Variants in WWC2 observed in about 807,000 individuals in gnomAD.
WWC2 encodes protein WWC2.
In WWC2, 101 loss-of-function variants were observed where a neutral mutation model predicts 138.5. The ratio of observed to expected loss-of-function variants is 0.73; its 90% CI spans 0.62 to 0.86. The LOEUF is 0.86. Among genes scored for constraint, WWC2 ranks in the 40% least tolerant of loss-of-function variants. The pLI, the probability that WWC2 is intolerant of heterozygous loss-of-function variation, is 0.00. For missense variants in WWC2, 1,420 were observed against 1,419.4 expected, an observed-to-expected ratio of 1.00 and a Z score of -0.01; for synonymous variants, 558 against 538.4, an observed-to-expected ratio of 1.04 and a Z score of -0.50.
intron 2 of WWC2, among the ~76,000 whole-genome samples, chr4:183,194,763 G>C (rs1222228450): frequency 1.3e-5 from 2 of 152,178 alleles, no homozygotes; most frequent in East Asian, 1.9e-4. Context: ...AGGAGCGTAA[G>C]CACTCTGAAG....
intron 1 of WWC2, among the ~76,000 whole-genome samples, chr4:183,155,075 A>C (rs1469803538): frequency 6.6e-6 from 1 of 152,100 alleles, no homozygotes; most frequent in Admixed American, 6.6e-5. Flanking sequence ...TTGTGGGCAC[A>C]AGTTAGATAA....
At chr4:183,123,101 G>A (rs1051941602) in intron 1 of WWC2, among the ~76,000 whole-genome samples, 1 of 152,128 alleles carries the variant, frequency 6.6e-6, no homozygotes, top group Admixed American at 6.5e-5. Context: ...ACTAAGGAGA[G>A]CCGTTGGCAC....
intron 4 of WWC2, among the ~76,000 whole-genome samples, chr4:183,228,277 G>A (rs910131363): frequency 2.6e-5 from 4 of 151,990 alleles, no homozygotes; most frequent in African/African-American, 9.7e-5. Flanking sequence ...TAAAATGTGG[G>A]CCCCAAAATA....
chr4:183,099,503 G>A lies in WWC2; in HGVS notation c.12G>A (p.Arg4=). The A allele has an allele frequency of 1.4e-6, 2 of 1,383,354 alleles. No individual in the cohort carries two copies. The highest frequency in any genetic ancestry group is 1.9e-6 in the Non-Finnish European group (2 of 1,051,946). The allele number at this position is 1,383,354 out of a possible 1,614,324, so 85.7% of individuals were successfully genotyped here. MPR[R]AGSGQLPLPR... is the part of the protein sequence containing the mutation. The stretch of plus-strand genomic sequence containing the variant: ...CGAGGCCGCCGACCATGCCTAGGAG[G>A]GCCGGGAGCGGTCAGCTGCCGCTGC... Residue 4 remains arginine, a synonymous_variant, in exon 1 of 23, where the codon AGG becomes AGA. Transcript: ENST00000403733.
At chr4:183,236,549 A>G (rs754029192) in intron 4 of WWC2, among the ~76,000 whole-genome samples, 2 of 152,230 alleles carry the variant, frequency 1.3e-5, no homozygotes, top group African/African-American at 4.8e-5. Context: ...GGATTGGCCA[A>G]CACTCAGTTA....
chr4:183,156,095 C>T (rs1008681813), intron 1 of WWC2, among the ~76,000 whole-genome samples: 2 of 151,898 alleles, frequency 1.3e-5, no homozygotes, highest in Admixed American at 6.6e-5. Context: ...GGCGTGATCT[C>T]GGCCCATTGC....
chr4:183,139,903 C>G (rs1223939672), intron 1 of WWC2, among the ~76,000 whole-genome samples: 1 of 152,146 alleles, frequency 6.6e-6, no homozygotes. Flanking sequence ...ACCTCCATCT[C>G]CCGGGTGCAA....
In WWC2 at chr4:183,099,399, CG is replaced by C; in HGVS notation, c.-92del. 8.6e-7 allele frequency: 1 copy of C among 1,156,264 alleles called. No individual in the cohort carries two copies. Among genetic ancestry groups the C allele is most frequent in the Non-Finnish European group, 1.1e-6 (1 of 934,652 alleles). 71.6% of individuals were successfully genotyped at this position (1,156,264 alleles called of 1,614,324 possible). On this transcript the variant is annotated 5_prime_UTR_variant, in exon 1 of 23. Transcript: ENST00000403733. The stretch of plus-strand genomic sequence containing the variant: ...CTCAGCCCCTCGCCGGCGCCCGCGT[CG>C]CGGGTTGGCAGCCTAGCCCGGCAGC...
At position 183,099,516 on chromosome 4, in the gene WWC2, C is replaced by G; in HGVS notation, c.25C>G (p.Gln9Glu). The G allele has an allele frequency of 7.2e-7, 1 of 1,390,976 alleles. No homozygotes were observed. Among genetic ancestry groups the G allele is most frequent in the East Asian group, 3.3e-5 (1 of 30,724 alleles). 86.2% of individuals were successfully genotyped at this position (1,390,976 alleles called of 1,614,324 possible). The change falls in exon 1 of 23, where the codon CAG (glutamine) becomes GAG (glutamate). Residue 9 changes from glutamine to glutamate, a missense_variant. By Grantham distance (29) the Gln-to-Glu change is conservative. Transcript: ENST00000403733. MPRRAGSG[Q>E]LPLPRGWEEA... ...CATGCCTAGGAGGGCCGGGAGCGGT[C>G]AGCTGCCGCTGCCCCGGGGCTGGGA...
Position 183,240,250 on chromosome 4 carries a change from A to G in WWC2, c.590A>G (p.Glu197Gly). The G allele has an allele frequency of 1.3e-6, 2 of 1,551,958 alleles. No individual in the cohort carries two copies. Among genetic ancestry groups the G allele is most frequent in the Non-Finnish European group, 1.7e-6 (2 of 1,147,506 alleles). Reference protein sequence around the residue: ...QELLYKEQGFETLQQIDKKMS... With the variant: ...QELLYKEQGFGTLQQIDKKMS... ...CTGCTCTATAAAGAACAAGGCTTTGAAACATTGCAGCAGTGAGTATGAAAA... is the reference window on the plus strand; with the variant it reads ...CTGCTCTATAAAGAACAAGGCTTTGGAACATTGCAGCAGTGAGTATGAAAA... The change falls in exon 5 of 23, where the codon GAA becomes GGA. Residue 197 changes from glutamate (E) to glycine (G), a missense_variant. Glu to Gly is a moderately conservative substitution (Grantham distance 98). Transcript: ENST00000403733.
chr4:183,148,018 ACT>A (rs1392791067), intron 1 of WWC2, among the ~76,000 whole-genome samples: 1 of 152,064 alleles, frequency 6.6e-6, no homozygotes, highest in Non-Finnish European at 1.5e-5. Flanking sequence ...AAATCTTAGA[ACT>A]CTGTGAAATT....
At chr4:183,266,498 T>C (rs994726638) in intron 14 of WWC2, among the ~76,000 whole-genome samples, 19 of 152,194 alleles carry the variant, frequency 1.2e-4, no homozygotes, top group African/African-American at 4.6e-4. Context: ...CACAGTCCAT[T>C]GCTTAGAGAC....
chr4:183,291,292 G>A (rs546622432), intron 21 of WWC2, among the ~76,000 whole-genome samples: 2 of 152,270 alleles, frequency 1.3e-5, no homozygotes, highest in Admixed American at 6.5e-5. Context: ...CTCTCCATTA[G>A]TAAAGGTCCA....
At chr4:183,290,910 T>C (rs986419644) in intron 21 of WWC2, among the ~76,000 whole-genome samples, 1 of 152,236 alleles carries the variant, frequency 6.6e-6, no homozygotes, top group Non-Finnish European at 1.5e-5. Flanking sequence ...CTGGAACTAC[T>C]GATCCTTGAT....
chr4:183,247,105 C>A (rs1445399210), intron 6 of WWC2, among the ~76,000 whole-genome samples: 2 of 152,032 alleles, frequency 1.3e-5, no homozygotes, highest in Non-Finnish European at 2.9e-5. Context: ...ACCTCTTTGA[C>A]CACAGTAAGA....
chr4:183,312,608 C>T, intron 22 of WWC2, 140 bp downstream of exon 22: 2 of 1,271,248 alleles, frequency 1.6e-6, no homozygotes, highest in Admixed American at 5.4e-5. Context: ...ATATAATTTT[C>T]CATTTGCACC....
intron 1 of WWC2, among the ~76,000 whole-genome samples, chr4:183,135,692 A>G (rs1231941657): frequency 2.0e-5 from 3 of 152,192 alleles, no homozygotes; most frequent in African/African-American, 7.2e-5. Context: ...CAAACCTACC[A>G]GCTGGGATCA....
At chr4:183,173,913 T>C (rs1734371643) in intron 1 of WWC2, among the ~76,000 whole-genome samples, 1 of 152,188 alleles carries the variant, frequency 6.6e-6, no homozygotes, top group Admixed American at 6.5e-5. Context: ...TTGGAAGCTC[T>C]CTACTAGTGG....
At chr4:183,221,900 A>G (rs1580073463) in intron 4 of WWC2, among the ~76,000 whole-genome samples, 1 of 152,306 alleles carries the variant, frequency 6.6e-6, no homozygotes, top group East Asian at 1.9e-4. Context: ...ACTTACAGGT[A>G]TTTACCCAAT....
Sources: allele counts gnomAD v4.1 joint callset (sites outside exome capture counted in the v4.1 genomes callset), GRCh38; gene constraint gnomAD v4.1.1; transcripts MANE v1.5; gene names NCBI Gene and HGNC (gene_info 2026-07-23, HGNC 2026-07-21).